MLLT10: variants seen among roughly 807,000 people sequenced by gnomAD.
The protein encoded by MLLT10 is protein AF-10.
A neutral mutation model predicts 129.1 loss-of-function variants in MLLT10; 30 were observed. That is an observed-to-expected ratio of 0.23 (90% confidence interval 0.17 to 0.32). The LOEUF (loss-of-function observed/expected upper bound fraction) is 0.32. Ranked by LOEUF, MLLT10 falls within the 10% of genes least tolerant of loss-of-function variation. MLLT10 has a pLI of 1.00. For synonymous variants in MLLT10, 490 were observed against 446.4 expected (o/e 1.10, Z -1.23); for missense variants, 1,119 against 1,268.3 (o/e 0.88, Z 1.79).
intron 3 of MLLT10, chr10:21,556,551 A>G (rs1043275387): frequency 1.2e-5 from 11 of 923,950 alleles, no homozygotes; most frequent in Non-Finnish European, 1.8e-5. Context: ...TACCCTCTCT[A>G]GGAAATTAAG....
intron 17 of MLLT10, 67 bp downstream of exon 17, chr10:21,731,121 G>T: frequency 3.5e-6 from 5 of 1,427,294 alleles, no homozygotes; most frequent in Non-Finnish European, 4.8e-6. Flanking sequence ...GCAGATGGAT[G>T]CAGAAGTCAC....
intron 3 of MLLT10, among the ~76,000 whole-genome samples, chr10:21,578,786 T>C (rs1347357701): frequency 6.6e-6 from 1 of 152,214 alleles, no homozygotes; most frequent in Non-Finnish European, 1.5e-5. Flanking sequence ...TTGTAAGTTG[T>C]TCTTTTATAT....
intron 5 of MLLT10, among the ~76,000 whole-genome samples, chr10:21,607,390 G>C (rs889064538): frequency 7.1e-6 from 1 of 141,632 alleles, no homozygotes; most frequent in Non-Finnish European, 1.5e-5. Context: ...GCACGATCTC[G>C]TCTCACCACA....
chr10:21,541,777 G>C (rs2035203808), intron 3 of MLLT10, among the ~76,000 whole-genome samples: 7 of 152,176 alleles, frequency 4.6e-5, no homozygotes, highest in Admixed American at 4.6e-4. Context: ...GCCTCCCAAA[G>C]TGGTGGGATT....
At chr10:21,710,495 A>C (rs1004409085) in intron 13 of MLLT10, among the ~76,000 whole-genome samples, 25 of 152,328 alleles carry the variant, frequency 1.6e-4, no homozygotes, top group African/African-American at 5.8e-4. Context: ...CAACTGGTTA[A>C]AATTTCAACC....
rs1351475704 is a variant in MLLT10, at chr10:21,689,663, T to TA, written c.1699+7406_1699+7407insA. ...CATTTATATATATATATATATATAT[T>TA]TTTTTTTTCTTGGCATGTTTTACCT... On this transcript the variant is annotated intron_variant, in intron 13 of 22. Coordinates refer to ENST00000307729, the MANE Select transcript of MLLT10 (RefSeq NM_001195626.3). Among the ~76,000 whole-genome samples the TA allele has an allele frequency of 3.1e-3, 435 of 139,664 alleles. 1 individual carries two copies. The highest frequency in any genetic ancestry group is 4.9e-3 in the Non-Finnish European group (320 of 64,978). The allele number at this position is 139,664 out of a possible 152,430, so 91.6% of individuals were successfully genotyped here.
chr10:21,636,563 T>C (rs1041362800), intron 8 of MLLT10, among the ~76,000 whole-genome samples: 5 of 151,996 alleles, frequency 3.3e-5, no homozygotes, highest in African/African-American at 1.2e-4. Flanking sequence ...GTGCCTAATA[T>C]GATTTCTTTT....
At chr10:21,722,925 T>C (rs1322621306) in intron 14 of MLLT10, among the ~76,000 whole-genome samples, 1 of 152,188 alleles carries the variant, frequency 6.6e-6, no homozygotes, top group African/African-American at 2.4e-5. Context: ...ATGTAGTAGA[T>C]GTTTTTATAC....
chr10:21,740,030 GAAC>G lies in MLLT10; in HGVS notation c.2961_2963del (p.Gln987del), dbSNP rs1295842280. ...TTCTCTCACATGTTTTTTGCCTAAG[GAAC>G]AACATCAAGCCTTTTTGTATCAGTT... On this transcript the variant is annotated inframe_deletion and splice_region_variant, in exon 22 of 23. Transcript: ENST00000307729. 15 of 1,597,152 alleles carry G rather than the reference GAAC, an allele frequency of 9.4e-6. No individual in the cohort carries two copies. Among genetic ancestry groups the G allele is most frequent in the Non-Finnish European group, 1.3e-5 (15 of 1,170,888 alleles).
intron 13 of MLLT10, among the ~76,000 whole-genome samples, chr10:21,702,827 G>A (rs1192661052): frequency 6.6e-6 from 1 of 152,024 alleles, no homozygotes; most frequent in Non-Finnish European, 1.5e-5. Context: ...TACAGGTGAA[G>A]TGTGTTTTTT....
At position 21,681,377 on chromosome 10, in the gene MLLT10, G is replaced by A. The variant is rs779982203; in HGVS notation, c.1666+1G>A. 3 of 1,604,480 alleles carry A rather than the reference G, an allele frequency of 1.9e-6. No individual in the cohort carries two copies. In the South Asian group the frequency reaches 3.3e-5, roughly 18 times the overall value. Reference sequence around the variant, plus strand: ...CATGATGGAGCTTGCCCAACAACTAGTAAGTTGTCAAACTGGGTTGATAAC... The same window carrying A: ...CATGATGGAGCTTGCCCAACAACTAATAAGTTGTCAAACTGGGTTGATAAC... On this transcript the variant is annotated splice_donor_variant, in intron 12 of 22. Transcript: ENST00000307729. LOFTEE classifies it high-confidence loss of function.
At chr10:21,718,711 TTTG>T (rs1463391002) in intron 14 of MLLT10, among the ~76,000 whole-genome samples, 2 of 152,276 alleles carry the variant, frequency 1.3e-5, no homozygotes, top group East Asian at 1.9e-4. Flanking sequence ...ATTTCGTGTT[TTTG>T]TTGTTGTTTG....
chr10:21,617,195 G>T lies in MLLT10; in HGVS notation c.687G>T (p.Glu229Asp). The T allele has an allele frequency of 6.6e-7, 1 of 1,511,190 alleles. No homozygotes were observed. The highest frequency in any genetic ancestry group is 8.9e-7 in the Non-Finnish European group (1 of 1,123,126). The allele number at this position is 1,511,190 out of a possible 1,614,324, so 93.6% of individuals were successfully genotyped here. A position where few individuals can be genotyped will look rare whatever the true frequency, so the allele number is the denominator to read the frequency against. The change falls in exon 8 of 23, where the codon GAG becomes GAT. Residue 229 changes from glutamate to aspartate, a missense_variant. Physicochemically the swap from Glu to Asp is conservative, Grantham distance 45. Around this residue, in one of 5 missense-constraint regions of MLLT10, gnomAD observed 1,004 missense variants for 1,008.7 expected, o/e 1.00. Coordinates refer to ENST00000307729, the MANE Select transcript of MLLT10 (RefSeq NM_001195626.3). ...SSSHSQDKHH[E>D]KEKKKYKEKD... ...CTCACTCTCAGGATAAACATCATGA[G>T]AAAGAGAAAAAAGTAAGTGGATTTG...
chr10:21,718,837 C>T (rs574325658), intron 14 of MLLT10, among the ~76,000 whole-genome samples: 1 of 152,322 alleles, frequency 6.6e-6, no homozygotes, highest in Admixed American at 6.5e-5. Flanking sequence ...GATTCTCCTG[C>T]CTCAGCCTCC....
intron 8 of MLLT10, among the ~76,000 whole-genome samples, chr10:21,640,560 A>G (rs533385283): frequency 6.6e-6 from 1 of 152,134 alleles, no homozygotes; most frequent in South Asian, 2.1e-4. Flanking sequence ...ACTGCAAAGA[A>G]GGCCAGATAA....
At chr10:21,727,835 T>G (rs914280375) in intron 15 of MLLT10, 21 bp from the exon 16 acceptor site, 1 of 1,603,980 alleles carries the variant, frequency 6.2e-7, no homozygotes, top group Admixed American at 1.7e-5. Flanking sequence ...CTTTATCAGC[T>G]CTGAAATATT....
At chr10:21,562,402 A>G (rs777641852) in intron 3 of MLLT10, among the ~76,000 whole-genome samples, 6 of 151,510 alleles carry the variant, frequency 4.0e-5, no homozygotes, top group African/African-American at 7.3e-5. Context: ...CAGTGGCACA[A>G]TCTCAGCTCA....
intron 13 of MLLT10, among the ~76,000 whole-genome samples, chr10:21,689,614 TATATAC>T (rs1248263052): frequency 7.1e-6 from 1 of 141,118 alleles, no homozygotes; most frequent in East Asian, 2.0e-4. Flanking sequence ...TATATATATA[TATATAC>T]ACACACACAC....
intron 8 of MLLT10, among the ~76,000 whole-genome samples, chr10:21,647,249 C>T (rs539820881): frequency 1.2e-3 from 180 of 152,054 alleles, no homozygotes; most frequent in African/African-American, 4.1e-3. Flanking sequence ...ACATTTTTCT[C>T]CCCATTGCAA....
Sources: gnomAD v4.1 joint callset for allele counts (sites outside exome capture counted in the v4.1 genomes callset) on GRCh38, gnomAD v4.1.1 for gene constraint, gnomAD v4.1.1 regional missense constraint, MANE v1.5 for transcripts, NCBI Gene and HGNC (gene_info 2026-07-23, HGNC 2026-07-21) for gene names.